PLEKHM2: variants seen among roughly 807,000 people sequenced by gnomAD.
PLEKHM2 encodes pleckstrin homology domain-containing family M member 2.
In PLEKHM2, 77 loss-of-function variants were observed where a neutral mutation model predicts 116.3. The ratio of observed to expected loss-of-function variants is 0.66; its 90% CI spans 0.55 to 0.80. The LOEUF (loss-of-function observed/expected upper bound fraction) is 0.80. PLEKHM2 is among the 30% of genes least tolerant of loss of function. The pLI, the probability that PLEKHM2 is intolerant of heterozygous loss-of-function variation, is 0.00. For synonymous variants in PLEKHM2, 562 were observed against 571.0 expected, an observed-to-expected ratio of 0.98 and a Z score of 0.22; for missense variants, 1,183 against 1,354.9, an observed-to-expected ratio of 0.87 and a Z score of 1.99.
chr1:15,708,513 T>C (rs7551750), intron 1 of PLEKHM2, among the ~76,000 whole-genome samples: 55,954 of 151,940 alleles, frequency 0.37, 13,383 homozygotes, highest in African/African-American at 0.68. Context: ...CTGTGCCCGG[T>C]CCGGAACGGC....
chr1:15,686,968 A>G (rs1640785290), intron 1 of PLEKHM2, among the ~76,000 whole-genome samples: 1 of 151,632 alleles, frequency 6.6e-6, no homozygotes, highest in African/African-American at 2.4e-5. Context: ...TTGTATTTTT[A>G]GTGGAGATGG....
intron 1 of PLEKHM2, among the ~76,000 whole-genome samples, chr1:15,697,733 A>G (rs1641027267): frequency 6.6e-6 from 1 of 152,038 alleles, no homozygotes; most frequent in African/African-American, 2.4e-5. Context: ...GTGCAATCAC[A>G]GCTACTGCAG....
Position 15,728,414 on chromosome 1 carries a change from T to A in PLEKHM2, c.1921+57T>A. On this transcript the variant is annotated intron_variant, in intron 11 of 19. Coordinates refer to ENST00000375799, the MANE Select transcript of PLEKHM2 (RefSeq NM_015164.4). The surrounding 1 kb of genome is among the most constrained non-coding windows in gnomAD (Gnocchi z 5.9). ...GTAGACGAGGCTGACTCTCAGCCCCTTTTCCCCAGTCCCCTTGCCCTCTGA... is the reference window on the plus strand; with the variant it reads ...GTAGACGAGGCTGACTCTCAGCCCCATTTCCCCAGTCCCCTTGCCCTCTGA... The A allele has an allele frequency of 1.4e-6, 2 of 1,459,878 alleles. No individual in the cohort carries two copies. The highest frequency in any genetic ancestry group is 1.9e-6 in the Non-Finnish European group (2 of 1,055,642). The allele number at this position is 1,459,878 out of a possible 1,614,324, so 90.4% of individuals were successfully genotyped here. A position where few individuals can be genotyped will look rare whatever the true frequency, so the allele number is the denominator to read the frequency against.
At chr1:15,695,638 A>G (rs1256371472) in intron 1 of PLEKHM2, among the ~76,000 whole-genome samples, 1 of 151,978 alleles carries the variant, frequency 6.6e-6, no homozygotes, top group African/African-American at 2.4e-5. Flanking sequence ...CAGCCTCCCA[A>G]GTAGCTGGGA....
chr1:15,703,771 G>T (rs947486074), intron 1 of PLEKHM2, among the ~76,000 whole-genome samples: 2 of 152,174 alleles, frequency 1.3e-5, no homozygotes, highest in Non-Finnish European at 2.9e-5. Context: ...TTGTTGGAGT[G>T]TACCACCCAC....
At chr1:15,725,690 G>A (rs145638947) in intron 8 of PLEKHM2, 145 bp downstream of exon 8, 58 of 624,464 alleles carry the variant, frequency 9.3e-5, no homozygotes, top group South Asian at 6.8e-4. Flanking sequence ...ACCTCTAGGA[G>A]GTTCTTTGAG....
At chr1:15,723,677 C>T (rs758758107) in intron 7 of PLEKHM2, among the ~76,000 whole-genome samples, 2 of 144,292 alleles carry the variant, frequency 1.4e-5, no homozygotes, top group Non-Finnish European at 3.0e-5. Context: ...CCCAGGAGGT[C>T]GAGGCTACAG....
At chr1:15,700,051 G>A (rs1236577836) in intron 1 of PLEKHM2, among the ~76,000 whole-genome samples, 1 of 151,842 alleles carries the variant, frequency 6.6e-6, no homozygotes, top group Non-Finnish European at 1.5e-5. Flanking sequence ...GCAGTTCCCT[G>A]GGGCTGGTGA....
At chr1:15,702,919 G>C (rs1244896214) in intron 1 of PLEKHM2, among the ~76,000 whole-genome samples, 1 of 151,676 alleles carries the variant, frequency 6.6e-6, no homozygotes, top group Admixed American at 6.6e-5. Flanking sequence ...CTAGAAACAG[G>C]GTCTTGCTAT....
chr1:15,694,615 C>T (rs1395050407), intron 1 of PLEKHM2, among the ~76,000 whole-genome samples: 1 of 152,128 alleles, frequency 6.6e-6, no homozygotes, highest in East Asian at 1.9e-4. Context: ...AGAGTCCTTT[C>T]CGCGGGAGAT....
At chr1:15,718,909 A>T (rs1641503289) in intron 5 of PLEKHM2, among the ~76,000 whole-genome samples, 1 of 152,190 alleles carries the variant, frequency 6.6e-6, no homozygotes, top group African/African-American at 2.4e-5. Flanking sequence ...AGCCCAGAAG[A>T]ACTGGCCTTC....
chr1:15,721,356 C>A lies in PLEKHM2; in HGVS notation c.680C>A (p.Ala227Glu). The change falls in exon 7 of 20, where the codon GCA becomes GAA. Residue 227 changes from alanine to glutamate, a missense_variant. This residue lies in a region of PLEKHM2 where 372 missense variants were observed against 357.2 expected (regional missense o/e 1.04). Coordinates refer to ENST00000375799, the MANE Select transcript of PLEKHM2 (RefSeq NM_015164.4). This position sits in a 1 kb window ranked among gnomAD's most constrained non-coding sequence, Gnocchi z 5.1. ...EDYDFGDVFP[A>E]VPSVPSTDWE... ...TATGATTTTGGAGATGTGTTTCCAGCAGTGCCGTCTGTACCCAGCACAGAC... is the reference window on the plus strand; with the variant it reads ...TATGATTTTGGAGATGTGTTTCCAGAAGTGCCGTCTGTACCCAGCACAGAC... 6.4e-7 allele frequency: 1 copy of A among 1,570,918 alleles called. No homozygotes were observed. The highest frequency in any genetic ancestry group is 1.2e-5 in the South Asian group (1 of 85,400).
rs762387406 is a variant in PLEKHM2, at chr1:15,727,339, C to T, written c.1267C>T (p.Pro423Ser). The change falls in exon 9 of 20, where the codon CCC becomes TCC. Residue 423 changes from proline (P) to serine (S), a missense_variant. This residue lies in a region of PLEKHM2 where 372 missense variants were observed against 357.2 expected (regional missense o/e 1.04). Transcript: ENST00000375799. This position sits in a 1 kb window ranked among gnomAD's most constrained non-coding sequence, Gnocchi z 7.5. ...VIDQLNGQLD[P>S]STWCSRAEPP... is the part of the protein sequence containing the mutation. ...CGACCAGCTCAACGGGCAGCTGGAC[C>T]CCAGCACCTGGTGCTCCCGTGCTGA... 1.3e-6 allele frequency: 2 copies of T among 1,596,786 alleles called. No individual in the cohort carries two copies. Among genetic ancestry groups the T allele is most frequent in the African/African-American group, 2.7e-5 (2 of 74,568 alleles).
intron 1 of PLEKHM2, among the ~76,000 whole-genome samples, chr1:15,702,753 C>T (rs1373586202): frequency 7.2e-6 from 1 of 138,870 alleles, no homozygotes; most frequent in African/African-American, 2.8e-5. Flanking sequence ...CAGGGTCTCA[C>T]TCTGTTGCCC....
At chr1:15,685,880 GGGTATGGTTTT>G (rs1375121549) in intron 1 of PLEKHM2, among the ~76,000 whole-genome samples, 2 of 152,312 alleles carry the variant, frequency 1.3e-5, no homozygotes, top group Non-Finnish European at 2.9e-5. Context: ...TAATGTAATG[GGGTATGGTTTT>G]TGCTTACTCA....
Position 15,731,887 on chromosome 1 carries a change from A to G in PLEKHM2, c.2466-2A>G. ...CCGTTTCACCCTCCTCCTCTGGCCC[A>G]GGGGGGAGCAGTGCGGTGGCTGCCG... is the stretch of plus-strand genomic sequence containing the variant. On this transcript the variant is annotated splice_acceptor_variant, in intron 16 of 19. Coordinates refer to ENST00000375799, the MANE Select transcript of PLEKHM2 (RefSeq NM_015164.4). LOFTEE classifies it high-confidence loss of function. 6.2e-7 allele frequency: 1 copy of G among 1,609,656 alleles called. No individual in the cohort carries two copies. The highest frequency in any genetic ancestry group is 8.5e-7 in the Non-Finnish European group (1 of 1,178,464).
chr1:15,722,684 A>G (rs1186659006), intron 7 of PLEKHM2: 1 of 152,242 alleles, frequency 6.6e-6, no homozygotes, highest in Non-Finnish European at 1.5e-5. Context: ...AAGATGTGGC[A>G]TTGGGAAAAA....
intron 1 of PLEKHM2, among the ~76,000 whole-genome samples, chr1:15,705,129 C>T (rs1191244164): frequency 1.3e-5 from 2 of 150,050 alleles, no homozygotes; most frequent in Non-Finnish European, 3.0e-5. Flanking sequence ...AACCTCAGAT[C>T]CATTTCCACA....
intron 15 of PLEKHM2, 55 bp from the exon 16 acceptor site, chr1:15,731,137 G>T (rs769210699): frequency 4.1e-5 from 55 of 1,345,944 alleles, no homozygotes; most frequent in Non-Finnish European, 5.3e-5. Flanking sequence ...CCTGGGCTCC[G>T]CCTGGCCCCA....
Sources: allele counts gnomAD v4.1 joint callset (sites outside exome capture counted in the v4.1 genomes callset), GRCh38; gene constraint gnomAD v4.1.1; regional missense constraint gnomAD v4.1.1; non-coding constraint Gnocchi (gnomAD v3.1); transcripts MANE v1.5; gene names NCBI Gene and HGNC (gene_info 2026-07-23, HGNC 2026-07-21).